Variants in SLC2A2 observed in about 807,000 individuals in gnomAD.
SLC2A2 encodes solute carrier family 2, facilitated glucose transporter member 2.
Under a neutral mutation model 54.5 loss-of-function variants are expected in SLC2A2, and 36 were observed. That is an observed-to-expected ratio of 0.66 (90% CI 0.51 to 0.87). The LOEUF (loss-of-function observed/expected upper bound fraction) is 0.87. Ranked by LOEUF, SLC2A2 falls within the 40% of genes least tolerant of loss-of-function variation. The pLI, the probability that SLC2A2 is intolerant of heterozygous loss-of-function variation, is 0.00. For synonymous variants in SLC2A2, 223 were observed against 219.1 expected (o/e 1.02, Z -0.16); for missense variants, 543 against 624.3 (o/e 0.87, Z 1.39).
chr3:171,000,839 A>G (rs998842502), intron 8 of SLC2A2, among the ~76,000 whole-genome samples: 5 of 152,066 alleles, frequency 3.3e-5, no homozygotes, highest in Admixed American at 1.3e-4. Flanking sequence ...TACACACACA[A>G]TTTGGTAACA....
chr3:170,999,101 A>C lies in SLC2A2; in HGVS notation c.1134T>G (p.Val378=). The change falls in exon 9 of 11, where the codon GTT becomes GTG. Residue 378 remains valine (V), a synonymous_variant. Coordinates refer to ENST00000314251, the MANE Select transcript of SLC2A2 (RefSeq NM_000340.2). ...GTCCCACTGACATGAAGATGGCACA[A>C]ACAAACATCCCACTCATTCCAATTA... ...LFLIGMSGMF[V]CAIFMSVGLV... The C allele has an allele frequency of 6.2e-7, 1 of 1,613,098 alleles. No homozygotes were observed.
intron 5 of SLC2A2, 78 bp from the exon 6 acceptor site, chr3:171,006,183 C>G: frequency 1.4e-6 from 2 of 1,387,660 alleles, no homozygotes; most frequent in Non-Finnish European, 2.0e-6. Context: ...TGAAAAAGTA[C>G]TTTGGCTATT....
rs184019543 is a variant in SLC2A2, at chr3:171,015,512, C to T, written c.109-781G>A. Among the ~76,000 whole-genome samples, 163 of 152,226 alleles carry T rather than the reference C, an allele frequency of 1.1e-3. 1 individual carries two copies. The highest frequency in any genetic ancestry group is 1.6e-3 in the Admixed American group (25 of 15,288). On this transcript the variant is annotated intron_variant, in intron 2 of 10. Transcript: ENST00000314251. ...TCTGCAGGCTAAAAAGATACATTTT[C>T]ATGCTAGTGTTACTTCTGCACAGCA...
intron 4 of SLC2A2, among the ~76,000 whole-genome samples, chr3:171,007,850 G>C (rs903684048): frequency 2.0e-5 from 3 of 152,074 alleles, no homozygotes; most frequent in Non-Finnish European, 4.4e-5. Flanking sequence ...CTCTTCCCCA[G>C]TTAGAAACCA....
At chr3:171,006,664 C>T (rs1715618686) in intron 5 of SLC2A2, among the ~76,000 whole-genome samples, 1 of 151,990 alleles carries the variant, frequency 6.6e-6, no homozygotes, top group South Asian at 2.1e-4. Context: ...GTCCCAGACT[C>T]CCTTTGACAC....
At chr3:171,002,738 A>G in intron 7 of SLC2A2, 58 bp from the exon 8 acceptor site, 1 of 928,306 alleles carries the variant, frequency 1.1e-6, no homozygotes, top group Non-Finnish European at 1.7e-6. Context: ...GATATCTTTA[A>G]AGCAAGAAAT....
At chr3:171,014,073 C>T (rs1195817910) in intron 3 of SLC2A2, among the ~76,000 whole-genome samples, 1 of 152,170 alleles carries the variant, frequency 6.6e-6, no homozygotes, top group East Asian at 1.9e-4. Context: ...AAAGGGAAAA[C>T]TGGATGTTTG....
At chr3:171,000,105 A>T (rs1715276861) in intron 8 of SLC2A2, among the ~76,000 whole-genome samples, 1 of 152,100 alleles carries the variant, frequency 6.6e-6, no homozygotes, top group Non-Finnish European at 1.5e-5. Context: ...TCTTTAGTAT[A>T]GTGAGCTCTG....
intron 1 of SLC2A2, among the ~76,000 whole-genome samples, 189 bp from the exon 2 acceptor site, chr3:171,018,812 T>C (rs1290598793): frequency 1.3e-5 from 2 of 152,092 alleles, no homozygotes; most frequent in African/African-American, 4.8e-5. Context: ...CCATTCATCA[T>C]TTCCCCTATG....
rs773205789 is a variant in SLC2A2, at chr3:171,026,667, T to G, written c.4A>C (p.Thr2Pro). 1 of 1,613,316 alleles carries G rather than the reference T, an allele frequency of 6.2e-7. No homozygotes were observed. The highest frequency in any genetic ancestry group is 1.1e-5 in the South Asian group (1 of 91,060). The change falls in exon 1 of 11, where the codon ACA becomes CCA. Residue 2 changes from threonine (T) to proline (P), a missense_variant. Transcript: ENST00000314251. MTEDKVTGTLVF... is the reference protein window; with the variant it reads MPEDKVTGTLVF... Reference sequence around the variant, plus strand: ...TAATGCTGCTTTACCTTATCTTCTGTCATTGTACTAGTTGGGAGTCCTGTC... The same window carrying G: ...TAATGCTGCTTTACCTTATCTTCTGGCATTGTACTAGTTGGGAGTCCTGTC...
chr3:171,026,701 G>GAC lies in SLC2A2; in HGVS notation c.-32_-31insGT. 6.2e-7 allele frequency: 1 copy of GAC among 1,608,974 alleles called. No individual in the cohort carries two copies. The highest frequency in any genetic ancestry group is 1.3e-5 in the African/African-American group (1 of 74,932). On this transcript the variant is annotated 5_prime_UTR_variant, in exon 1 of 11. Transcript: ENST00000314251. ...TAGTTGGGAGTCCTGTCAATTCCAGGTCTTGTGTGAGTGTGGCACATGCAC... is the reference window on the plus strand; with the variant it reads ...TAGTTGGGAGTCCTGTCAATTCCAGGACTCTTGTGTGAGTGTGGCACATGCAC...
chr3:171,007,268 A>G lies in SLC2A2; in HGVS notation c.497-5T>C, dbSNP rs757579143. 1.3e-6 allele frequency: 2 copies of G among 1,551,776 alleles called. No individual in the cohort carries two copies. Among genetic ancestry groups the G allele is most frequent in the African/African-American group, 1.4e-5 (1 of 73,544 alleles). Reference sequence around the variant, plus strand: ...GAACCAGGCCTGAAATTAGCCCTGCATGAAACATAAACATAAATGTTAAAG... The same window carrying G: ...GAACCAGGCCTGAAATTAGCCCTGCGTGAAACATAAACATAAATGTTAAAG... On this transcript the variant is annotated splice_polypyrimidine_tract_variant and splice_region_variant and intron_variant, in intron 4 of 10. Coordinates refer to ENST00000314251, the MANE Select transcript of SLC2A2 (RefSeq NM_000340.2).
At chr3:171,018,402 C>T (rs565534615) in intron 2 of SLC2A2, 129 bp downstream of exon 2, 34 of 761,350 alleles carry the variant, frequency 4.5e-5, no homozygotes, top group South Asian at 2.8e-4. Flanking sequence ...CAGTGCACAT[C>T]GTACCTGACA....
chr3:170,998,947 T>G, intron 9 of SLC2A2, 118 bp downstream of exon 9: 1 of 776,982 alleles, frequency 1.3e-6, no homozygotes. Context: ...TTGCTCTGGC[T>G]TTATTTCGTA....
intron 9 of SLC2A2, 29 bp downstream of exon 9, chr3:170,999,036 A>C: frequency 6.9e-7 from 1 of 1,443,470 alleles, no homozygotes; most frequent in Admixed American, 1.7e-5. Context: ...TATGTTAATG[A>C]AAAACCTCAG....
chr3:171,015,172 C>T (rs2108257688), intron 2 of SLC2A2, among the ~76,000 whole-genome samples: 1 of 152,240 alleles, frequency 6.6e-6, no homozygotes, highest in Admixed American at 6.5e-5. Flanking sequence ...GAAATTGAAA[C>T]TATTCTGCAG....
At chr3:171,025,044 T>C (rs527804985) in intron 1 of SLC2A2, among the ~76,000 whole-genome samples, 1 of 152,320 alleles carries the variant, frequency 6.6e-6, no homozygotes, top group South Asian at 2.1e-4. Context: ...TTTCAAACTT[T>C]AGTTATTTGA....
At chr3:171,013,042 G>C (rs950378794) in intron 3 of SLC2A2, among the ~76,000 whole-genome samples, 2 of 151,866 alleles carry the variant, frequency 1.3e-5, no homozygotes, top group Non-Finnish European at 2.9e-5. Flanking sequence ...AGGCAACCAG[G>C]GTTTACATTT....
rs762898213 is a variant in SLC2A2, at chr3:170,999,023, T to C, written c.1170+42A>G. On this transcript the variant is annotated intron_variant, in intron 9 of 10. Transcript: ENST00000314251. The stretch of plus-strand genomic sequence containing the variant: ...TGGACCACAGAGGTGCCAGGTACCA[T>C]CATATGTTAATGAAAAACCTCAGTG... The C allele has an allele frequency of 3.3e-5, 41 of 1,241,960 alleles. No homozygotes were observed. The South Asian group carries it at 4.4e-4, about 13-fold the overall frequency. 76.9% of individuals were successfully genotyped at this position (1,241,960 alleles called of 1,614,324 possible).
Sources: allele counts gnomAD v4.1 joint callset (sites outside exome capture counted in the v4.1 genomes callset), GRCh38; gene constraint gnomAD v4.1.1; transcripts MANE v1.5; gene names NCBI Gene and HGNC (gene_info 2026-07-23, HGNC 2026-07-21).